NINJ1: variants seen among roughly 807,000 people sequenced by gnomAD.
NINJ1 encodes the protein ninjurin 1, also known as ninjurin-1.
Under a neutral mutation model 12.7 loss-of-function variants are expected in NINJ1, and 6 were observed. The ratio of observed to expected loss-of-function variants is 0.47; its 90% confidence interval spans 0.26 to 0.93. NINJ1 has a LOEUF of 0.93. NINJ1 is among the 40% of genes least tolerant of loss of function. The pLI, the probability that NINJ1 is intolerant of heterozygous loss-of-function variation, is 0.15. For synonymous variants in NINJ1, 100 were observed against 96.0 expected (o/e 1.04, Z -0.25); for missense variants, 170 against 213.0 (o/e 0.80, Z 1.26).
rs145421928 is a variant in NINJ1 at position 93,126,590 on chromosome 9, C to G, written c.124G>C (p.Ala42Pro). Residue 42 changes from alanine to proline, a missense_variant, in exon 2 of 4, where the codon GCC (alanine) becomes CCC (proline). Transcript: ENST00000375446. ...CTCTCGGCTGCGCTCTTCTTGCTGG[C>G]GTAATGGTTCACGTTGATGGGCCCG... ...RHGPINVNHY[A>P]SKKSAAESML... 6.2e-7 allele frequency: 1 copy of G among 1,613,108 alleles called. No homozygotes were observed. The highest frequency in any genetic ancestry group is 8.5e-7 in the Non-Finnish European group (1 of 1,179,566).
Position 93,126,420 on chromosome 9 carries a change from G to A in NINJ1, c.294C>T (p.Leu98=), listed in dbSNP as rs140825165. 4.7e-4 allele frequency: 755 copies of A among 1,612,974 alleles called. 6 individuals are homozygous for A. The South Asian group carries it at 7.8e-3, about 17-fold the overall frequency. Residue 98 remains leucine, a synonymous_variant, in exon 2 of 4, where the codon CTC becomes CTT. Coordinates refer to ENST00000375446, the MANE Select transcript of NINJ1 (RefSeq NM_004148.4). ...LVLQIGVGVL[L]IFLVKYDLNN... is the part of the protein sequence containing the mutation. ...CACCTGGGGACCTACCAAGGAAGAT[G>A]AGCAGCACCCCCACGCCGATCTGCA... is the stretch of plus-strand genomic sequence containing the variant.
chr9:93,131,036 C>A (rs1005201498), intron 1 of NINJ1, among the ~76,000 whole-genome samples: 4 of 152,236 alleles, frequency 2.6e-5, no homozygotes, highest in Non-Finnish European at 5.9e-5. Flanking sequence ...TATGCTAGGA[C>A]CTGCCTGGGG....
chr9:93,131,050 C>G (rs1160587108), intron 1 of NINJ1, among the ~76,000 whole-genome samples: 1 of 152,250 alleles, frequency 6.6e-6, no homozygotes, highest in Non-Finnish European at 1.5e-5. Flanking sequence ...CCTGGGGCTT[C>G]CGGCATCCCT....
intron 1 of NINJ1, among the ~76,000 whole-genome samples, chr9:93,128,494 G>C (rs1319235139): frequency 6.6e-6 from 1 of 152,238 alleles, no homozygotes; most frequent in African/African-American, 2.4e-5. Flanking sequence ...GGACAGCCCG[G>C]ACACAAGGGC....
At position 93,126,498 on chromosome 9, in the gene NINJ1, G is replaced by A. The variant is rs948227853; in HGVS notation, c.216C>T (p.Pro72=). ...SQLKAVVEQG[P]SFAFYVPLVV... ...CCAGGGGCACATAGAAGGCGAAGCT[G>A]GGGCCCTGTTCCACGACGGCCTTCA... The change falls in exon 2 of 4, where the codon CCC becomes CCT. Residue 72 remains proline, a synonymous_variant. Coordinates refer to ENST00000375446, the MANE Select transcript of NINJ1 (RefSeq NM_004148.4). 6.2e-7 allele frequency: 1 copy of A among 1,614,208 alleles called. No individual in the cohort carries two copies. Among genetic ancestry groups the A allele is most frequent in the Non-Finnish European group, 8.5e-7 (1 of 1,180,032 alleles).
chr9:93,134,193 C>T lies in NINJ1; in HGVS notation c.25G>A (p.Glu9Lys). The T allele has an allele frequency of 6.5e-7, 1 of 1,536,478 alleles. No individual in the cohort carries two copies. ...CCCGGAGGCAGGCCGCCGTTGAGCT[C>T]GTACTCCTCGGTTCCCGAGTCCATG... MDSGTEEYELNGGLPPGTP... is the reference protein window; with the variant it reads MDSGTEEYKLNGGLPPGTP... Residue 9 changes from glutamate (E) to lysine (K), a missense_variant, in exon 1 of 4, where the codon GAG becomes AAG. Physicochemically the swap from Glu to Lys is moderately conservative, Grantham distance 56. Coordinates refer to ENST00000375446, the MANE Select transcript of NINJ1 (RefSeq NM_004148.4).
At chr9:93,123,193 G>C (rs1564217986) in intron 3 of NINJ1, among the ~76,000 whole-genome samples, 1 of 152,168 alleles carries the variant, frequency 6.6e-6, no homozygotes, top group Admixed American at 6.5e-5. Flanking sequence ...TGGCCCCCGT[G>C]TGGGGAGGGG....
chr9:93,125,207 C>T lies in NINJ1; in HGVS notation c.305-145G>A, dbSNP rs78717859. On this transcript the variant is annotated intron_variant, in intron 2 of 3. Coordinates refer to ENST00000375446, the MANE Select transcript of NINJ1 (RefSeq NM_004148.4). ...CAGTCGCATTTAGGATGAGTTTTGT[C>T]GCCCAGAGAAAAATACATCTGTTTT... 2,835 of 772,724 alleles carry T rather than the reference C, an allele frequency of 3.7e-3. 39 individuals carry two copies. The African/African-American group carries it at 0.041, about 11-fold the overall frequency. The allele number at this position is 772,724 out of a possible 1,614,324, so 47.9% of individuals were successfully genotyped here.
At chr9:93,131,996 G>A (rs1353896925) in intron 1 of NINJ1, among the ~76,000 whole-genome samples, 1 of 152,214 alleles carries the variant, frequency 6.6e-6, no homozygotes, top group Non-Finnish European at 1.5e-5. Context: ...ACCAGTGGGA[G>A]AGGGTCTCCG....
chr9:93,128,532 G>C (rs1242269264), intron 1 of NINJ1, among the ~76,000 whole-genome samples: 1 of 152,246 alleles, frequency 6.6e-6, no homozygotes, highest in African/African-American at 2.4e-5. Context: ...GTCGTCTCCA[G>C]TTCTGCTCTT....
chr9:93,123,390 T>C (rs979265407), intron 3 of NINJ1, among the ~76,000 whole-genome samples: 2 of 152,192 alleles, frequency 1.3e-5, no homozygotes, highest in Non-Finnish European at 2.9e-5. Flanking sequence ...GTTCAAGCGA[T>C]TCTCCTGCCT....
At chr9:93,128,151 G>C (rs1827839806) in intron 1 of NINJ1, among the ~76,000 whole-genome samples, 1 of 152,160 alleles carries the variant, frequency 6.6e-6, no homozygotes, top group African/African-American at 2.4e-5. Context: ...TGTGCGCACA[G>C]GGACAGCCGC....
At position 93,134,236 on chromosome 9, in the gene NINJ1, G is replaced by T; in HGVS notation, c.-19C>A. ...AGTCCATGGTGCGGCCGCCCAGGCC[G>T]CCAGGATCCGGGCCTGAGCGCGCCC... On this transcript the variant is annotated 5_prime_UTR_variant, in exon 1 of 4. Coordinates refer to ENST00000375446, the MANE Select transcript of NINJ1 (RefSeq NM_004148.4). 6.8e-7 allele frequency: 1 copy of T among 1,460,520 alleles called. No homozygotes were observed. The highest frequency in any genetic ancestry group is 9.1e-7 in the Non-Finnish European group (1 of 1,093,860). The allele number at this position is 1,460,520 out of a possible 1,614,324, so 90.5% of individuals were successfully genotyped here. A position where few individuals can be genotyped will look rare whatever the true frequency, so the allele number is the denominator to read the frequency against.
intron 2 of NINJ1, chr9:93,126,053 C>T (rs763637285): frequency 2.7e-5 from 7 of 259,156 alleles, no homozygotes; most frequent in Non-Finnish European, 3.7e-5. Flanking sequence ...AAAAATTAGC[C>T]GGGCATGGTG....
rs1827790408 is a variant in NINJ1 at position 93,125,019 on chromosome 9, G to T, written c.348C>A (p.Asp116Glu). The part of the protein sequence containing the change: ...LNNPAKHAKL[D>E]FLNNLATGLV... ...GGCCCGTGGCCAGGTTGTTGAGGAA[G>T]TCCAGCTTGGCGTGCTTGGCCGGGT... Residue 116 changes from aspartate (D) to glutamate (E), a missense_variant, in exon 3 of 4, where the codon GAC becomes GAA. By Grantham distance (45) the Asp-to-Glu change is conservative. Coordinates refer to ENST00000375446, the MANE Select transcript of NINJ1 (RefSeq NM_004148.4). 3 of 1,613,948 alleles carry T rather than the reference G, an allele frequency of 1.9e-6. No individual in the cohort carries two copies. Among genetic ancestry groups the T allele is most frequent in the Non-Finnish European group, 2.5e-6 (3 of 1,179,968 alleles).
At chr9:93,124,835 G>C in intron 3 of NINJ1, 64 bp downstream of exon 3, 2 of 1,518,516 alleles carry the variant, frequency 1.3e-6, no homozygotes, top group Non-Finnish European at 1.8e-6. Context: ...TCACCACACT[G>C]CAAGAGCCTC....
At chr9:93,129,197 C>T (rs551230537) in intron 1 of NINJ1, among the ~76,000 whole-genome samples, 38 of 152,272 alleles carry the variant, frequency 2.5e-4, no homozygotes, top group African/African-American at 8.2e-4. Flanking sequence ...TACCCAAAGC[C>T]ACATAGCAAG....
chr9:93,123,287 AT>A (rs1014605153), intron 3 of NINJ1, among the ~76,000 whole-genome samples: 109 of 146,384 alleles, frequency 7.4e-4, no homozygotes, highest in South Asian at 1.3e-3. Context: ...CTCTTGGGGA[AT>A]TTTTTTTTTT....
At chr9:93,133,798 T>G (rs1827933291) in intron 1 of NINJ1, among the ~76,000 whole-genome samples, 1 of 150,948 alleles carries the variant, frequency 6.6e-6, no homozygotes, top group African/African-American at 2.4e-5. Context: ...CGCGCGAGAG[T>G]GGGGGGGAGG....
Sources: gnomAD v4.1 joint callset for allele counts (sites outside exome capture counted in the v4.1 genomes callset) on GRCh38, gnomAD v4.1.1 for gene constraint, MANE v1.5 for transcripts, NCBI Gene and HGNC (gene_info 2026-07-23, HGNC 2026-07-21) for gene names.